SWT1: variants seen among roughly 807,000 people sequenced by gnomAD.
The protein encoded by SWT1 is transcriptional protein SWT1.
SWT1 carries 33 observed loss-of-function variants against 107.3 expected under a neutral mutation model. That is an observed-to-expected ratio of 0.31 (90% CI 0.23 to 0.41). The LOEUF (loss-of-function observed/expected upper bound fraction) is 0.41, where lower values mean the gene tolerates loss of function less well. SWT1 is among the 10% of genes least tolerant of loss of function. The probability of loss-of-function intolerance (pLI) is 1.00; values close to 1 mark genes in which losing one functional copy is unlikely to be tolerated. For synonymous variants in SWT1, 345 were observed against 348.3 expected, an observed-to-expected ratio of 0.99 and a Z score of 0.11; for missense variants, 898 against 1,028.9, an observed-to-expected ratio of 0.87 and a Z score of 1.74.
intron 10 of SWT1, among the ~76,000 whole-genome samples, chr1:185,194,523 A>G (rs747813114): frequency 3.9e-5 from 6 of 151,962 alleles, no homozygotes; most frequent in Non-Finnish European, 4.4e-5. Context: ...CACAGGTACC[A>G]TAAGGATATT....
chr1:185,228,186 T>TATAC (rs200095342), intron 15 of SWT1, among the ~76,000 whole-genome samples: 1 of 137,602 alleles, frequency 7.3e-6, no homozygotes, highest in East Asian at 2.1e-4. Context: ...TATATATATA[T>TATAC]ATACATATAT....
chr1:185,278,199 C>A (rs976202135), intron 18 of SWT1, among the ~76,000 whole-genome samples: 1 of 152,168 alleles, frequency 6.6e-6, no homozygotes, highest in Non-Finnish European at 1.5e-5. Flanking sequence ...TGTGTACCCT[C>A]CAAACTTATA....
chr1:185,216,022 GA>G (rs1659189999), intron 14 of SWT1, among the ~76,000 whole-genome samples: 1 of 152,140 alleles, frequency 6.6e-6, no homozygotes, highest in Non-Finnish European at 1.5e-5. Flanking sequence ...TTCATAGTCA[GA>G]TAGGTCCCCT....
At chr1:185,170,300 T>C (rs1222052208) in intron 4 of SWT1, among the ~76,000 whole-genome samples, 1 of 152,238 alleles carries the variant, frequency 6.6e-6, no homozygotes, top group African/African-American at 2.4e-5. Flanking sequence ...AGGGTCTCTT[T>C]CAAAGTCACT....
intron 18 of SWT1, among the ~76,000 whole-genome samples, chr1:185,277,526 G>T (rs559818169): frequency 6.6e-6 from 1 of 152,220 alleles, no homozygotes; most frequent in East Asian, 1.9e-4. Flanking sequence ...CTGACCTCAG[G>T]TGATTCACCT....
At chr1:185,199,220 G>A (rs182841876) in intron 10 of SWT1, among the ~76,000 whole-genome samples, 60 of 152,270 alleles carry the variant, frequency 3.9e-4, no homozygotes, top group African/African-American at 1.4e-3. Flanking sequence ...ACAGGCATGA[G>A]CCACCACGCC....
At chr1:185,217,897 ATTAT>A in intron 14 of SWT1, among the ~76,000 whole-genome samples, 1 of 152,240 alleles carries the variant, frequency 6.6e-6, no homozygotes, top group East Asian at 1.9e-4. Flanking sequence ...CACCCAGCCA[ATTAT>A]TTCATTATAT....
chr1:185,253,285 T>A (rs2102655205), intron 16 of SWT1, among the ~76,000 whole-genome samples: 1 of 150,490 alleles, frequency 6.6e-6, no homozygotes, highest in Non-Finnish European at 1.5e-5. Context: ...TGGTTCCATA[T>A]GAACTTTAAA....
intron 16 of SWT1, among the ~76,000 whole-genome samples, chr1:185,236,801 T>C (rs1458111220): frequency 6.6e-6 from 1 of 152,150 alleles, no homozygotes; most frequent in Non-Finnish European, 1.5e-5. Flanking sequence ...GAGAAAATTT[T>C]TGCAATCTAT....
chr1:185,245,220 CTTTTTA>C, intron 16 of SWT1, among the ~76,000 whole-genome samples: 1 of 152,088 alleles, frequency 6.6e-6, no homozygotes, highest in South Asian at 2.1e-4. Flanking sequence ...TAGCTTTTTT[CTTTTTA>C]TAACAATTTT....
At chr1:185,219,483 A>G (rs1267381611) in intron 14 of SWT1, among the ~76,000 whole-genome samples, 2 of 152,188 alleles carry the variant, frequency 1.3e-5, no homozygotes, top group East Asian at 3.8e-4. Context: ...AAAAATTTTA[A>G]TATGTATGAA....
At position 185,176,657 on chromosome 1, in the gene SWT1, GGAT is replaced by G. The variant is rs1420102739; in HGVS notation, c.966+1546_966+1548del. 3.0e-6 allele frequency: 3 copies of G among 985,204 alleles called. No individual in the cohort carries two copies. In the East Asian group the frequency reaches 3.4e-4, roughly 112 times the overall value. The allele number at this position is 985,204 out of a possible 1,614,324, so 61.0% of individuals were successfully genotyped here. On this transcript the variant is annotated intron_variant, in intron 5 of 18. Transcript: ENST00000367500. ...AAATGTAGAGACCACTGATAAACAGGGATGGTTAAGCCTACCTGCTTTTAGGTA... is the reference window on the plus strand; with the variant it reads ...AAATGTAGAGACCACTGATAAACAGGGGTTAAGCCTACCTGCTTTTAGGTA...
chr1:185,254,771 C>T (rs10911695), intron 16 of SWT1, among the ~76,000 whole-genome samples: 115,625 of 144,376 alleles, frequency 0.8, 46,373 homozygotes, highest in African/African-American at 0.85. Flanking sequence ...TTTTGTGTCT[C>T]TATTTCCTTC....
At chr1:185,229,246 A>G (rs964281107) in intron 15 of SWT1, among the ~76,000 whole-genome samples, 1 of 152,158 alleles carries the variant, frequency 6.6e-6, no homozygotes, top group African/African-American at 2.4e-5. Flanking sequence ...GGGAGAGATG[A>G]TAAGAATTGG....
intron 17 of SWT1, 59 bp from the exon 18 acceptor site, chr1:185,276,545 T>C: frequency 1.0e-6 from 1 of 995,404 alleles, no homozygotes; most frequent in South Asian, 1.7e-5. Flanking sequence ...TACTCTAATT[T>C]TGCTGTCATC....
In SWT1 at chr1:185,214,491, A is replaced by T; in HGVS notation, c.1973-16A>T. On this transcript the variant is annotated splice_polypyrimidine_tract_variant and intron_variant, in intron 13 of 18. Transcript: ENST00000367500. ...TCATTCTTCCATATTTTTCTGTCTT[A>T]ATTTTCTGTTACCAGCTAATAAGGC... The T allele has an allele frequency of 6.3e-7, 1 of 1,588,934 alleles. No individual in the cohort carries two copies. Among genetic ancestry groups the T allele is most frequent in the Non-Finnish European group, 8.6e-7 (1 of 1,168,136 alleles).
intron 16 of SWT1, among the ~76,000 whole-genome samples, chr1:185,244,864 T>G (rs2102621561): frequency 6.6e-6 from 1 of 152,262 alleles, no homozygotes; most frequent in African/African-American, 2.4e-5. Flanking sequence ...GGGGTTTGCT[T>G]GAAGCCCGGA....
At chr1:185,213,154 A>G (rs1658957094) in intron 13 of SWT1, among the ~76,000 whole-genome samples, 1 of 152,190 alleles carries the variant, frequency 6.6e-6, no homozygotes, top group Admixed American at 6.6e-5. Flanking sequence ...TAAGACAGAA[A>G]TAAAATGATT....
At chr1:185,168,293 A>C in intron 3 of SWT1, 47 bp from the exon 4 acceptor site, 1 of 1,158,826 alleles carries the variant, frequency 8.6e-7, no homozygotes, top group Non-Finnish European at 1.2e-6. Flanking sequence ...GTGGAAAAAA[A>C]TATGTACCAG....
Sources: allele counts gnomAD v4.1 joint callset (sites outside exome capture counted in the v4.1 genomes callset), GRCh38; gene constraint gnomAD v4.1.1; transcripts MANE v1.5; gene names NCBI Gene and HGNC (gene_info 2026-07-23, HGNC 2026-07-21).